MRPL48: variants seen among roughly 807,000 people sequenced by gnomAD.
MRPL48 encodes mitochondrial ribosomal protein L48, also known as large ribosomal subunit protein mL48.
Under a neutral mutation model 32.9 loss-of-function variants are expected in MRPL48, and 16 were observed. The ratio of observed to expected loss-of-function variants is 0.49; its 90% CI spans 0.33 to 0.74. The LOEUF is 0.74. Ranked by LOEUF, MRPL48 falls within the 30% of genes least tolerant of loss-of-function variation. The probability of loss-of-function intolerance (pLI) is 0.02; values close to 1 mark genes in which losing one functional copy is unlikely to be tolerated. For synonymous variants in MRPL48, 94 were observed against 89.2 expected, an observed-to-expected ratio of 1.05 and a Z score of -0.31; for missense variants, 206 against 245.3, an observed-to-expected ratio of 0.84 and a Z score of 1.07.
At chr11:73,836,459 A>G (rs991819208) in intron 4 of MRPL48, among the ~76,000 whole-genome samples, 2 of 152,146 alleles carry the variant, frequency 1.3e-5, no homozygotes, top group South Asian at 4.1e-4. Flanking sequence ...TCACCCTTCT[A>G]AAGTGCCAGG....
At chr11:73,849,462 T>A (rs1375088748) in intron 5 of MRPL48, among the ~76,000 whole-genome samples, 1 of 152,202 alleles carries the variant, frequency 6.6e-6, no homozygotes, top group Non-Finnish European at 1.5e-5. Flanking sequence ...TGTTCTGTCC[T>A]TATAGTTTTG....
At chr11:73,797,954 T>C (rs2134942765) in intron 1 of MRPL48, among the ~76,000 whole-genome samples, 1 of 152,230 alleles carries the variant, frequency 6.6e-6, no homozygotes, top group South Asian at 2.1e-4. Flanking sequence ...CACAAATTTG[T>C]GTTTGGGTTT....
intron 4 of MRPL48, among the ~76,000 whole-genome samples, chr11:73,838,484 C>G (rs1187116707): frequency 1.3e-5 from 2 of 152,170 alleles, no homozygotes; most frequent in Non-Finnish European, 2.9e-5. Context: ...TTGGAGAGTC[C>G]TGGCATTTTC....
In MRPL48 at chr11:73,802,897, A is replaced by T. The variant is rs115207057; in HGVS notation, c.22-2130A>T. 1.1e-3 allele frequency among the ~76,000 whole-genome samples: 174 copies of T among 151,908 alleles called. 1 individual carries two copies. Among genetic ancestry groups the T allele is most frequent in the African/African-American group, 4.0e-3 (165 of 41,438 alleles). ...TGTTTTGTAGAGAAAGGGTCTTCCT[A>T]TGTTGGCCAGGCTGGTCTCAAAATC... On this transcript the variant is annotated intron_variant, in intron 1 of 7. Coordinates refer to ENST00000310614, the MANE Select transcript of MRPL48 (RefSeq NM_016055.6).
chr11:73,816,863 T>C (rs1254490503), intron 3 of MRPL48, among the ~76,000 whole-genome samples: 1 of 151,782 alleles, frequency 6.6e-6, no homozygotes, highest in Non-Finnish European at 1.5e-5. Context: ...TCTCACTCTG[T>C]CGCCCACACT....
At chr11:73,839,717 G>A (rs943648201) in intron 4 of MRPL48, among the ~76,000 whole-genome samples, 4 of 152,110 alleles carry the variant, frequency 2.6e-5, no homozygotes, top group African/African-American at 9.7e-5. Context: ...TGATCTTAAG[G>A]TAGGCAAAGA....
chr11:73,862,317 G>A (rs1486298061), intron 6 of MRPL48, among the ~76,000 whole-genome samples: 1 of 152,220 alleles, frequency 6.6e-6, no homozygotes, highest in African/African-American at 2.4e-5. Context: ...AGCTACTCAG[G>A]AGGCTGAGGC....
chr11:73,796,239 C>G (rs985296752), intron 1 of MRPL48, among the ~76,000 whole-genome samples: 1 of 152,252 alleles, frequency 6.6e-6, no homozygotes, highest in Admixed American at 6.5e-5. Context: ...ACTGTGACTG[C>G]GGACCCAGGC....
chr11:73,816,110 G>C (rs1470989005), intron 3 of MRPL48, among the ~76,000 whole-genome samples: 1 of 151,692 alleles, frequency 6.6e-6, no homozygotes, highest in Non-Finnish European at 1.5e-5. Flanking sequence ...CGCCCAGGCT[G>C]GAGTGCAGTG....
intron 1 of MRPL48, among the ~76,000 whole-genome samples, chr11:73,804,741 T>C (rs535104580): frequency 2.6e-4 from 40 of 152,292 alleles, no homozygotes; most frequent in Middle Eastern, 3.4e-3. Flanking sequence ...TAATTATTGA[T>C]TGATATTAGA....
intron 5 of MRPL48, among the ~76,000 whole-genome samples, chr11:73,851,507 C>T (rs2135069462): frequency 6.6e-6 from 1 of 152,298 alleles, no homozygotes; most frequent in African/African-American, 2.4e-5. Flanking sequence ...TACTTCAGTT[C>T]TAAAAATGTG....
At chr11:73,811,705 A>G (rs577020418) in intron 3 of MRPL48, among the ~76,000 whole-genome samples, 40 of 152,312 alleles carry the variant, frequency 2.6e-4, no homozygotes, top group African/African-American at 7.2e-4. Flanking sequence ...TTCTGAGGAA[A>G]GTCTTTTAAA....
Position 73,806,724 on chromosome 11 carries a change from C to T in MRPL48, c.75-1589C>T, listed in dbSNP as rs535414032. Among the ~76,000 whole-genome samples the T allele has an allele frequency of 3.3e-5, 5 of 151,988 alleles. No individual in the cohort carries two copies. The South Asian group carries it at 6.2e-4, about 19-fold the overall frequency. Reference sequence around the variant, plus strand: ...GACCTGGTAAAACAGATGATATTATCTCAATTTTATATAAATAACTGGGGT... The same window carrying T: ...GACCTGGTAAAACAGATGATATTATTTCAATTTTATATAAATAACTGGGGT... On this transcript the variant is annotated intron_variant, in intron 2 of 7. Coordinates refer to ENST00000310614, the MANE Select transcript of MRPL48 (RefSeq NM_016055.6).
At chr11:73,807,118 C>T (rs1198160248) in intron 2 of MRPL48, among the ~76,000 whole-genome samples, 2 of 152,156 alleles carry the variant, frequency 1.3e-5, no homozygotes, top group Admixed American at 1.3e-4. Flanking sequence ...GATCCATGCT[C>T]CTCAGCCTCC....
intron 4 of MRPL48, among the ~76,000 whole-genome samples, chr11:73,838,402 G>A (rs1948139028): frequency 1.3e-5 from 2 of 152,108 alleles, no homozygotes; most frequent in Non-Finnish European, 1.5e-5. Flanking sequence ...GGCCAACATG[G>A]GAAAGCAAAT....
At chr11:73,838,685 G>C (rs1296209070) in intron 4 of MRPL48, among the ~76,000 whole-genome samples, 1 of 152,216 alleles carries the variant, frequency 6.6e-6, no homozygotes, top group Non-Finnish European at 1.5e-5. Context: ...AGAGGAGAGA[G>C]CCAAATGCCT....
At chr11:73,834,008 C>T (rs1404880449) in intron 4 of MRPL48, among the ~76,000 whole-genome samples, 1 of 152,034 alleles carries the variant, frequency 6.6e-6, no homozygotes, top group Non-Finnish European at 1.5e-5. Flanking sequence ...AGGTGCGCCC[C>T]ACCACACCTG....
At chr11:73,801,002 G>A (rs1056068347) in intron 1 of MRPL48, among the ~76,000 whole-genome samples, 3 of 151,928 alleles carry the variant, frequency 2.0e-5, no homozygotes, top group Non-Finnish European at 2.9e-5. Flanking sequence ...GTAGAGACGA[G>A]GTTTCTCCAT....
intron 3 of MRPL48, among the ~76,000 whole-genome samples, chr11:73,823,339 T>A (rs1392199363): frequency 6.6e-6 from 1 of 152,166 alleles, no homozygotes; most frequent in Non-Finnish European, 1.5e-5. Context: ...TGAAGATCCC[T>A]CTTCAAGGAA....
Sources: gnomAD v4.1 joint callset for allele counts (sites outside exome capture counted in the v4.1 genomes callset) on GRCh38, gnomAD v4.1.1 for gene constraint, MANE v1.5 for transcripts, NCBI Gene and HGNC (gene_info 2026-07-23, HGNC 2026-07-21) for gene names.